Variants in TSPAN18 observed in about 807,000 individuals in gnomAD.
TSPAN18 encodes tetraspanin 18.
A neutral mutation model predicts 27.3 loss-of-function variants in TSPAN18; 14 were observed. The observed-to-expected ratio is 0.51, with a 90% CI of 0.34 to 0.80. TSPAN18 has a LOEUF of 0.80. TSPAN18 is among the 30% of genes least tolerant of loss of function. The pLI, the probability that TSPAN18 is intolerant of heterozygous loss-of-function variation, is 0.01. For missense variants in TSPAN18, 268 were observed against 323.9 expected (o/e 0.83, Z 1.32); for synonymous variants, 143 against 136.5 (o/e 1.05, Z -0.33).
intron 2 of TSPAN18, among the ~76,000 whole-genome samples, chr11:44,769,173 G>A (rs907985813): frequency 3.3e-5 from 5 of 152,162 alleles, no homozygotes; most frequent in Non-Finnish European, 5.9e-5. Flanking sequence ...GGGATTGCAG[G>A]CGTGAGCCAC....
chr11:44,866,437 G>C (rs1858038117), intron 3 of TSPAN18, among the ~76,000 whole-genome samples: 1 of 152,194 alleles, frequency 6.6e-6, no homozygotes, highest in Admixed American at 6.5e-5. Flanking sequence ...CCACACAGGG[G>C]CCCCGCAGAC....
intron 1 of TSPAN18, among the ~76,000 whole-genome samples, chr11:44,738,088 G>A (rs1016247072): frequency 2.0e-5 from 3 of 152,106 alleles, no homozygotes; most frequent in Non-Finnish European, 4.4e-5. Context: ...GGCAGGGGCA[G>A]TGCCTGTCTG....
chr11:44,906,324 G>A, intron 3 of TSPAN18, 83 bp from the exon 4 acceptor site: 2 of 1,252,488 alleles, frequency 1.6e-6, no homozygotes, highest in South Asian at 1.2e-5. Flanking sequence ...GGGGCTGGCT[G>A]CGGGGAACCC....
intron 1 of TSPAN18, among the ~76,000 whole-genome samples, chr11:44,747,664 G>A (rs1196336396): frequency 6.6e-6 from 1 of 152,050 alleles, no homozygotes; most frequent in Non-Finnish European, 1.5e-5. Context: ...GTGGGAATTT[G>A]AAAATGGCCC....
chr11:44,732,961 C>T (rs954840064), intron 1 of TSPAN18, among the ~76,000 whole-genome samples: 1 of 152,166 alleles, frequency 6.6e-6, no homozygotes, highest in Admixed American at 6.5e-5. Context: ...ATGATGACTC[C>T]ACCATCTTTG....
intron 5 of TSPAN18, among the ~76,000 whole-genome samples, chr11:44,911,951 T>G (rs75046006): frequency 0.012 from 542 of 45,470 alleles, 4 homozygotes; most frequent in East Asian, 0.063. Context: ...CCCGCCTCTC[T>G]CCCTTTGTCC....
At chr11:44,745,329 A>G (rs929961254) in intron 1 of TSPAN18, among the ~76,000 whole-genome samples, 7 of 152,312 alleles carry the variant, frequency 4.6e-5, no homozygotes, top group African/African-American at 1.2e-4. Context: ...TCAGGCTCCA[A>G]TTCACTCATC....
chr11:44,850,831 T>A (rs1857583242), intron 2 of TSPAN18, among the ~76,000 whole-genome samples: 2 of 152,184 alleles, frequency 1.3e-5, no homozygotes, highest in East Asian at 3.9e-4. Flanking sequence ...CAGGTACAGG[T>A]CATTTCACTC....
intron 2 of TSPAN18, among the ~76,000 whole-genome samples, chr11:44,793,689 A>G (rs1856282197): frequency 6.6e-6 from 1 of 152,164 alleles, no homozygotes; most frequent in Non-Finnish European, 1.5e-5. Context: ...TCCACTTGCC[A>G]GGCACTGGGC....
intron 2 of TSPAN18, among the ~76,000 whole-genome samples, chr11:44,784,576 A>G (rs1856012166): frequency 6.6e-6 from 1 of 152,158 alleles, no homozygotes; most frequent in Non-Finnish European, 1.5e-5. Context: ...GTGTAATGCA[A>G]TACTGTGGCA....
intron 2 of TSPAN18, among the ~76,000 whole-genome samples, chr11:44,816,143 ATTGTT>A (rs1856814323): frequency 7.4e-6 from 1 of 134,374 alleles, no homozygotes; most frequent in African/African-American, 2.8e-5. Context: ...AATCACTTTT[ATTGTT>A]AGCGCCAATG....
At chr11:44,928,234 G>T (rs1000088714) in intron 9 of TSPAN18, among the ~76,000 whole-genome samples, 2 of 152,202 alleles carry the variant, frequency 1.3e-5, no homozygotes, top group South Asian at 2.1e-4. Context: ...TCATAACTCC[G>T]GGAAGGGCTG....
chr11:44,835,204 C>G (rs1466546245), intron 2 of TSPAN18, among the ~76,000 whole-genome samples: 2 of 152,210 alleles, frequency 1.3e-5, no homozygotes, highest in African/African-American at 4.8e-5. Context: ...GGGTCCCCGA[C>G]AGCACTGCTG....
At chr11:44,779,751 G>A (rs1205243866) in intron 2 of TSPAN18, among the ~76,000 whole-genome samples, 1 of 152,008 alleles carries the variant, frequency 6.6e-6, no homozygotes, top group African/African-American at 2.4e-5. Flanking sequence ...ACATACCTGT[G>A]CACACCTATC....
At chr11:44,761,957 C>T (rs529775853) in intron 1 of TSPAN18, among the ~76,000 whole-genome samples, 2 of 152,290 alleles carry the variant, frequency 1.3e-5, no homozygotes, top group East Asian at 3.9e-4. Context: ...TGGAATGTGC[C>T]TAGGAAAGCC....
rs1283313754 is a variant in TSPAN18 at position 44,727,206 on chromosome 11, C to G, written c.-321C>G. The G allele has an allele frequency of 1.3e-5, 2 of 151,326 alleles. No homozygotes were observed. Among genetic ancestry groups the G allele is most frequent in the African/African-American group, 2.4e-5 (1 of 41,226 alleles). The allele number at this position is 151,326 out of a possible 1,614,324, so 9.4% of individuals were successfully genotyped here. ...AAGGCAGCCGGCGCCGGGCAAGTTG[C>G]GAGCGCGCCCCTCCGACCAGGAAAG... is the stretch of plus-strand genomic sequence containing the variant. On this transcript the variant is annotated 5_prime_UTR_variant, in exon 1 of 10. Coordinates refer to ENST00000520358, the MANE Select transcript of TSPAN18 (RefSeq NM_130783.5).
intron 2 of TSPAN18, among the ~76,000 whole-genome samples, chr11:44,819,403 C>T (rs1003157286): frequency 3.9e-5 from 6 of 152,152 alleles, no homozygotes; most frequent in Admixed American, 2.6e-4. Flanking sequence ...GGAACTTGCT[C>T]TGTGTGTATG....
At chr11:44,909,631 G>A (rs1859631805) in intron 4 of TSPAN18, 74 bp from the exon 5 acceptor site, 1 of 1,492,158 alleles carries the variant, frequency 6.7e-7, no homozygotes, top group East Asian at 2.3e-5. Flanking sequence ...TGGCTCAGGG[G>A]AGTGGTGGGT....
chr11:44,741,774 G>A (rs1203210488), intron 1 of TSPAN18, among the ~76,000 whole-genome samples: 2 of 152,150 alleles, frequency 1.3e-5, no homozygotes, highest in Admixed American at 1.3e-4. Flanking sequence ...TATTCCCTCT[G>A]AACGTTAGTT....
Sources: gnomAD v4.1 joint callset for allele counts (sites outside exome capture counted in the v4.1 genomes callset) on GRCh38, gnomAD v4.1.1 for gene constraint, MANE v1.5 for transcripts, NCBI Gene and HGNC (gene_info 2026-07-23, HGNC 2026-07-21) for gene names.